The following CELF4 variants were observed in gnomAD, a reference collection of about 807,000 sequenced individuals.
CELF4 encodes CUG-BP- and ETR-3-like factor 4.
A neutral mutation model predicts 59.9 loss-of-function variants in CELF4; 18 were observed. The ratio of observed to expected loss-of-function variants is 0.30; its 90% CI spans 0.21 to 0.45. The LOEUF (loss-of-function observed/expected upper bound fraction) is 0.45. CELF4 is among the 20% of genes least tolerant of loss of function. The pLI, the probability that CELF4 is intolerant of heterozygous loss-of-function variation, is 1.00. For synonymous variants in CELF4, 261 were observed against 267.1 expected, an observed-to-expected ratio of 0.98 and a Z score of 0.22; for missense variants, 456 against 689.0, an observed-to-expected ratio of 0.66 and a Z score of 3.79.
intron 1 of CELF4, among the ~76,000 whole-genome samples, chr18:37,514,376 G>T (rs1603643137): frequency 6.6e-6 from 1 of 152,308 alleles, no homozygotes; most frequent in East Asian, 1.9e-4. Context: ...GAAATCATGG[G>T]TTAGGACTTC....
chr18:37,273,932 C>G, intron 6 of CELF4: 1 of 1,063,568 alleles, frequency 9.4e-7, no homozygotes, highest in Non-Finnish European at 1.1e-6. Flanking sequence ...CTGAAGTCAC[C>G]GTTCCATGGA....
intron 1 of CELF4, among the ~76,000 whole-genome samples, chr18:37,563,572 A>AG (rs568399186): frequency 1.3e-3 from 189 of 151,006 alleles, no homozygotes; most frequent in Admixed American, 4.7e-3. Flanking sequence ...CTTGAGAGGG[A>AG]GGGGGGGAAA....
At chr18:37,394,603 G>C (rs1026283135) in intron 2 of CELF4, among the ~76,000 whole-genome samples, 7 of 152,200 alleles carry the variant, frequency 4.6e-5, no homozygotes, top group Non-Finnish European at 8.8e-5. Flanking sequence ...CTTTTCATTA[G>C]AGACACAGAT....
chr18:37,375,380 T>G (rs1304530849), intron 2 of CELF4, among the ~76,000 whole-genome samples: 2 of 152,104 alleles, frequency 1.3e-5, no homozygotes, highest in East Asian at 3.9e-4. Context: ...GGGCAGCAGC[T>G]AGGTCACCAC....
At chr18:37,502,292 C>T (rs1371073130) in intron 1 of CELF4, among the ~76,000 whole-genome samples, 4 of 152,034 alleles carry the variant, frequency 2.6e-5, no homozygotes, top group Non-Finnish European at 5.9e-5. Context: ...TCCATCCAGG[C>T]GGCTCTCCAA....
Position 37,522,519 on chromosome 18 carries a change from G to GCA in CELF4, c.287-36914_287-36913dup, listed in dbSNP as rs144071944. On this transcript the variant is annotated intron_variant, in intron 1 of 12. Coordinates refer to ENST00000420428, the MANE Select transcript of CELF4 (RefSeq NM_020180.4). ...TGGATAGCTCTGTGTGTGTGAGCGC[G>GCA]CACACACACACACACACGTGTGCAT... Among the ~76,000 whole-genome samples the GCA allele has an allele frequency of 5.3e-3, 800 of 150,688 alleles. 3 individuals carry two copies. The highest frequency in any genetic ancestry group is 8.1e-3 in the Non-Finnish European group (550 of 67,572).
chr18:37,519,695 T>TC (rs1273004558), intron 1 of CELF4, among the ~76,000 whole-genome samples: 2 of 152,088 alleles, frequency 1.3e-5, no homozygotes, highest in African/African-American at 2.4e-5. Flanking sequence ...GCCACAAGCG[T>TC]CCCCCCTCAG....
At chr18:37,338,981 C>A (rs943467733) in intron 2 of CELF4, among the ~76,000 whole-genome samples, 1 of 152,200 alleles carries the variant, frequency 6.6e-6, no homozygotes, top group Non-Finnish European at 1.5e-5. Flanking sequence ...CAATGGCCAT[C>A]GTTTGGGTCT....
At chr18:37,376,617 CA>C (rs1450744456) in intron 2 of CELF4, among the ~76,000 whole-genome samples, 2 of 152,218 alleles carry the variant, frequency 1.3e-5, no homozygotes, top group Non-Finnish European at 2.9e-5. Context: ...CATAATCCAT[CA>C]TCCTCAGGAG....
rs781554654 is a variant in CELF4 at position 37,317,492 on chromosome 18, A to G, written c.448+4311T>C. 4.6e-5 allele frequency among the ~76,000 whole-genome samples: 7 copies of G among 152,222 alleles called. No homozygotes were observed. The South Asian group carries it at 6.2e-4, about 13-fold the overall frequency. ...ATAATGACTCCTGAGACCCCCAGGT[A>G]AGGAGATGGAGGCCCAGAGAAGGTG... On this transcript the variant is annotated intron_variant, in intron 3 of 12. Coordinates refer to ENST00000420428, the MANE Select transcript of CELF4 (RefSeq NM_020180.4).
chr18:37,263,260 G>A (rs2154317510), intron 10 of CELF4, among the ~76,000 whole-genome samples: 1 of 152,274 alleles, frequency 6.6e-6, no homozygotes, highest in African/African-American at 2.4e-5. Flanking sequence ...TTCTCTGAAG[G>A]CCAGGCTCTC....
At chr18:37,412,870 G>A (rs2099486092) in intron 2 of CELF4, among the ~76,000 whole-genome samples, 1 of 152,144 alleles carries the variant, frequency 6.6e-6, no homozygotes, top group African/African-American at 2.4e-5. Context: ...GCCAATGTGT[G>A]TGAGGTTCTC....
chr18:37,301,117 G>C (rs1395087925), intron 3 of CELF4, among the ~76,000 whole-genome samples: 1 of 152,216 alleles, frequency 6.6e-6, no homozygotes, highest in Non-Finnish European at 1.5e-5. Flanking sequence ...CCAGGAGACA[G>C]AGGATACTCC....
rs1210574776 is a variant in CELF4 at position 37,553,966 on chromosome 18, T to G, written c.286+11390A>C. Among the ~76,000 whole-genome samples, 3 of 152,278 alleles carry G rather than the reference T, an allele frequency of 2.0e-5. No homozygotes were observed. The East Asian group carries it at 5.8e-4, about 29-fold the overall frequency. ...AGGAACCCTCCCCTCACACGCAATT[T>G]AGGGGCTTCCTCCCCAGGTATGAAA... On this transcript the variant is annotated intron_variant, in intron 1 of 12. Coordinates refer to ENST00000420428, the MANE Select transcript of CELF4 (RefSeq NM_020180.4).
chr18:37,277,663 G>A (rs549180470), intron 3 of CELF4, among the ~76,000 whole-genome samples: 2 of 152,294 alleles, frequency 1.3e-5, no homozygotes, highest in Non-Finnish European at 2.9e-5. Context: ...TTGACTCCTG[G>A]AAGCAGCAAC....
intron 1 of CELF4, 75 bp from the exon 2 acceptor site, chr18:37,485,682 C>A: frequency 1.0e-6 from 1 of 961,398 alleles, no homozygotes; most frequent in Non-Finnish European, 1.4e-6. Context: ...GCCGCCCGCC[C>A]TCCAGGCTCC....
intron 2 of CELF4, among the ~76,000 whole-genome samples, chr18:37,387,586 C>G (rs2099113015): frequency 2.0e-5 from 3 of 152,208 alleles, no homozygotes; most frequent in African/African-American, 7.2e-5. Flanking sequence ...TGGACAAACC[C>G]AGAGTCTCGA....
intron 2 of CELF4, among the ~76,000 whole-genome samples, chr18:37,418,133 T>C (rs2099544388): frequency 6.6e-6 from 1 of 152,214 alleles, no homozygotes; most frequent in African/African-American, 2.4e-5. Context: ...TCTCTTTCTG[T>C]CCTCTCCCCA....
intron 2 of CELF4, among the ~76,000 whole-genome samples, chr18:37,350,040 C>T (rs774003721): frequency 5.3e-5 from 8 of 152,022 alleles, no homozygotes; most frequent in Non-Finnish European, 1.2e-4. Context: ...GCAGGGAGGA[C>T]CCGAAGCAGG....
Sources: allele counts gnomAD v4.1 joint callset (sites outside exome capture counted in the v4.1 genomes callset), GRCh38; gene constraint gnomAD v4.1.1; transcripts MANE v1.5; gene names NCBI Gene and HGNC (gene_info 2026-07-23, HGNC 2026-07-21).